PREX2: variants seen among roughly 807,000 people sequenced by gnomAD.
The protein encoded by PREX2 is phosphatidylinositol-3,4,5-trisphosphate dependent Rac exchange factor 2, also known as phosphatidylinositol 3,4,5-trisphosphate-dependent Rac exchanger 2 protein.
In PREX2, 107 loss-of-function variants were observed where a neutral mutation model predicts 203.2. That is an observed-to-expected ratio of 0.53 (90% CI 0.45 to 0.62). The LOEUF (loss-of-function observed/expected upper bound fraction) is 0.62, where lower values mean the gene tolerates loss of function less well. PREX2 is among the 20% of genes least tolerant of loss of function. The pLI is 0.00. For synonymous variants in PREX2, 672 were observed against 663.6 expected, an observed-to-expected ratio of 1.01 and a Z score of -0.19; for missense variants, 1,777 against 1,955.9, an observed-to-expected ratio of 0.91 and a Z score of 1.72.
At chr8:68,227,691 A>T (rs912878930) in intron 39 of PREX2, among the ~76,000 whole-genome samples, 3 of 152,224 alleles carry the variant, frequency 2.0e-5, no homozygotes, top group Non-Finnish European at 2.9e-5. Context: ...GCGGGGCTAC[A>T]GAATCTAAAG....
chr8:68,070,335 T>C (rs1020093279), intron 13 of PREX2, among the ~76,000 whole-genome samples: 3 of 152,024 alleles, frequency 2.0e-5, no homozygotes, highest in Admixed American at 1.3e-4. Context: ...GAAAAGATTT[T>C]GTACTTGGAA....
At chr8:68,120,127 A>G (rs1810739596) in intron 28 of PREX2, 69 bp from the exon 29 acceptor site, 1 of 1,020,426 alleles carries the variant, frequency 9.8e-7, no homozygotes, top group East Asian at 2.5e-5. Context: ...ATTTTATAAG[A>G]TTTACTTTTA....
intron 33 of PREX2, among the ~76,000 whole-genome samples, chr8:68,145,704 C>G (rs1041636528): frequency 7.9e-5 from 12 of 151,952 alleles, no homozygotes; most frequent in African/African-American, 2.7e-4. Flanking sequence ...AGACTTGGGA[C>G]AATTTTTAAT....
chr8:68,139,957 G>A (rs1308169899), intron 33 of PREX2, among the ~76,000 whole-genome samples: 2 of 152,194 alleles, frequency 1.3e-5, no homozygotes, highest in Non-Finnish European at 2.9e-5. Context: ...GCTGAAGGCA[G>A]AGAGAACTCT....
chr8:67,978,808 A>G (rs1005662650), intron 1 of PREX2, among the ~76,000 whole-genome samples: 2 of 152,190 alleles, frequency 1.3e-5, no homozygotes, highest in African/African-American at 2.4e-5. Context: ...TTATACATAT[A>G]TATCTATATT....
chr8:68,184,891 A>T (rs559061720), intron 35 of PREX2, among the ~76,000 whole-genome samples: 8 of 152,286 alleles, frequency 5.3e-5, no homozygotes, highest in Admixed American at 4.6e-4. Flanking sequence ...TGAAAAAGTG[A>T]GCATCCCTGG....
At chr8:68,119,297 T>C (rs1486988804) in intron 27 of PREX2, 135 bp from the exon 28 acceptor site, 3 of 582,392 alleles carry the variant, frequency 5.2e-6, no homozygotes. Context: ...ACTCTTTCTC[T>C]GAACATGAGA....
chr8:68,040,571 T>G lies in PREX2; in HGVS notation c.839+2279T>G, dbSNP rs181887192. On this transcript the variant is annotated intron_variant, in intron 7 of 39. Transcript: ENST00000288368. Reference sequence around the variant, plus strand: ...GAGATTTCCATGGCCAGATTCTCTGTGGCTTTCAGATCTCACTTAAAAATC... The same window carrying G: ...GAGATTTCCATGGCCAGATTCTCTGGGGCTTTCAGATCTCACTTAAAAATC... Among the ~76,000 whole-genome samples, 979 of 152,330 alleles carry G rather than the reference T, an allele frequency of 6.4e-3. 8 individuals are homozygous for G. The highest frequency in any genetic ancestry group is 0.01 in the Non-Finnish European group (701 of 68,036).
In PREX2 at chr8:68,122,503, T is replaced by C. The variant is rs530846866; in HGVS notation, c.3724+1454T>C. ...GTTTTAGAAATTTAAGTATATACTT[T>C]ACTGAGTAAAAGACATTTCTGCTGA... On this transcript the variant is annotated intron_variant, in intron 30 of 39. Coordinates refer to ENST00000288368, the MANE Select transcript of PREX2 (RefSeq NM_024870.4). 4.2e-4 allele frequency among the ~76,000 whole-genome samples: 64 copies of C among 152,196 alleles called. 1 individual carries two copies. The highest frequency in any genetic ancestry group is 1.3e-3 in the African/African-American group (55 of 41,582).
At chr8:68,091,170 T>G (rs2129612236) in intron 20 of PREX2, among the ~76,000 whole-genome samples, 1 of 152,336 alleles carries the variant, frequency 6.6e-6, no homozygotes, top group Non-Finnish European at 1.5e-5. Context: ...TGAGGTATAT[T>G]TATTTAGGTA....
chr8:68,000,958 A>G (rs1270667341), intron 1 of PREX2, among the ~76,000 whole-genome samples: 2 of 152,252 alleles, frequency 1.3e-5, no homozygotes, highest in Non-Finnish European at 2.9e-5. Context: ...CTCAAGATAG[A>G]TAAAAGGCTT....
At chr8:68,011,252 C>T (rs1428141288) in intron 1 of PREX2, among the ~76,000 whole-genome samples, 5 of 151,082 alleles carry the variant, frequency 3.3e-5, no homozygotes, top group East Asian at 1.9e-4. Context: ...AGTACATTTT[C>T]GCTCAAACAC....
intron 30 of PREX2, among the ~76,000 whole-genome samples, chr8:68,123,259 G>A (rs183374127): frequency 9.2e-5 from 14 of 152,096 alleles, no homozygotes; most frequent in South Asian, 4.1e-4. Flanking sequence ...AAAATTTGTC[G>A]CACTAAATGC....
intron 11 of PREX2, among the ~76,000 whole-genome samples, chr8:68,067,861 T>C (rs1241028722): frequency 2.0e-5 from 3 of 152,046 alleles, no homozygotes; most frequent in Non-Finnish European, 2.9e-5. Context: ...TCATATATGA[T>C]CTTTATTATG....
chr8:68,102,792 A>G (rs768051206), intron 23 of PREX2: 1 of 516,940 alleles, frequency 1.9e-6, no homozygotes, highest in Non-Finnish European at 3.9e-6. Context: ...TGCTGCAATT[A>G]TAATAGATTT....
intron 37 of PREX2, among the ~76,000 whole-genome samples, chr8:68,205,938 A>G (rs982806756): frequency 6.6e-6 from 1 of 152,198 alleles, no homozygotes; most frequent in African/African-American, 2.4e-5. Flanking sequence ...TTTTAGTATG[A>G]TGAAGTCTAC....
At chr8:68,149,175 G>A (rs528692513) in intron 34 of PREX2, among the ~76,000 whole-genome samples, 43 of 152,290 alleles carry the variant, frequency 2.8e-4, no homozygotes, top group African/African-American at 8.9e-4. Context: ...AGAACAGGAA[G>A]CAAATGCGTC....
intron 6 of PREX2, among the ~76,000 whole-genome samples, chr8:68,031,108 G>T (rs1025181647): frequency 6.6e-6 from 1 of 152,048 alleles, no homozygotes; most frequent in Non-Finnish European, 1.5e-5. Context: ...GAAGGAACTG[G>T]CTATGATCTT....
chr8:68,056,360 G>T (rs1364729982), intron 10 of PREX2, among the ~76,000 whole-genome samples: 1 of 152,178 alleles, frequency 6.6e-6, no homozygotes, highest in Non-Finnish European at 1.5e-5. Flanking sequence ...AAAGATAAGA[G>T]ACAGTCTGAA....
Sources: gnomAD v4.1 joint callset for allele counts (sites outside exome capture counted in the v4.1 genomes callset) on GRCh38, gnomAD v4.1.1 for gene constraint, MANE v1.5 for transcripts, NCBI Gene and HGNC (gene_info 2026-07-23, HGNC 2026-07-21) for gene names.